Variants in AUP1 observed in about 807,000 individuals in gnomAD.
AUP1 encodes the protein lipid droplet-regulating VLDL assembly factor AUP1.
Under a neutral mutation model 51.8 loss-of-function variants are expected in AUP1, and 30 were observed. The observed-to-expected ratio is 0.58, with a 90% CI of 0.43 to 0.79. AUP1 has a LOEUF of 0.79. AUP1 is among the 30% of genes least tolerant of loss of function. AUP1 has a pLI of 0.00. For missense variants in AUP1, 492 were observed against 517.1 expected (o/e 0.95, Z 0.47); for synonymous variants, 227 against 209.0 (o/e 1.09, Z -0.74).
rs200787766 is a variant in AUP1, at chr2:74,527,376, G to C, written c.962-13C>G. 1.9e-6 allele frequency: 3 copies of C among 1,613,802 alleles called. No homozygotes were observed. Among genetic ancestry groups the C allele is most frequent in the East Asian group, 2.2e-5 (1 of 44,872 alleles). ...CAGCCAGTCTTGGCTGGGGAGAAAA[G>C]AGAAGGGAGTCCACTCCCTACTTAC... On this transcript the variant is annotated splice_polypyrimidine_tract_variant and intron_variant, in intron 9 of 11. Coordinates refer to ENST00000377526, the MANE Select transcript of AUP1 (RefSeq NM_181575.5).
In AUP1 at chr2:74,529,604, G is replaced by A. The variant is rs1572992667; in HGVS notation, c.26C>T (p.Pro9Leu). The A allele has an allele frequency of 3.2e-6, 5 of 1,568,326 alleles. No individual in the cohort carries two copies. The highest frequency in any genetic ancestry group is 3.5e-6 in the Non-Finnish European group (4 of 1,156,084). ...CCGGTGCGAGTCAAAGAGCCGCTCC[G>A]GCCCCGGCCCTGAGGGAAGCTCCAT... The part of the protein sequence containing the change: MELPSGPG[P>L]ERLFDSHRLP... The change falls in exon 1 of 12, where the codon CCG becomes CTG. Residue 9 changes from proline (P) to leucine (L), a missense_variant. Pro to Leu is a moderately conservative substitution (Grantham distance 98). Coordinates refer to ENST00000377526, the MANE Select transcript of AUP1 (RefSeq NM_181575.5).
intron 5 of AUP1, 40 bp from the exon 6 acceptor site, chr2:74,528,361 G>A: frequency 6.2e-7 from 1 of 1,612,254 alleles, no homozygotes; most frequent in Non-Finnish European, 8.5e-7. Context: ...GCCAGGGCCA[G>A]GGATGGGAAA....
chr2:74,529,123 C>T lies in AUP1; in HGVS notation c.339+9G>A. 1 of 1,614,230 alleles carries T rather than the reference C, an allele frequency of 6.2e-7. No homozygotes were observed. The highest frequency in any genetic ancestry group is 1.1e-5 in the South Asian group (1 of 91,076). On this transcript the variant is annotated intron_variant, in intron 3 of 11. Coordinates refer to ENST00000377526, the MANE Select transcript of AUP1 (RefSeq NM_181575.5). ...GCCCCGTGGCGCTCTCGGCCTCGCTCTCACTCACGGTGCTACAGGTGGTAA... is the reference window on the plus strand; with the variant it reads ...GCCCCGTGGCGCTCTCGGCCTCGCTTTCACTCACGGTGCTACAGGTGGTAA...
intron 4 of AUP1, 35 bp downstream of exon 4, chr2:74,528,716 A>T (rs753032954): frequency 6.4e-7 from 1 of 1,553,374 alleles, no homozygotes; most frequent in Non-Finnish European, 8.7e-7. Context: ...TTGACCACCT[A>T]CCCAGCTGGC....
rs1675327892 is a variant in AUP1, at chr2:74,528,735, C to T, written c.524+16G>A. 1 of 1,574,130 alleles carries T rather than the reference C, an allele frequency of 6.4e-7. No individual in the cohort carries two copies. Among genetic ancestry groups the T allele is most frequent in the Non-Finnish European group, 8.6e-7 (1 of 1,162,126 alleles). On this transcript the variant is annotated intron_variant, in intron 4 of 11. Coordinates refer to ENST00000377526, the MANE Select transcript of AUP1 (RefSeq NM_181575.5). ...CCACCTACCCAGCTGGCGCCCCATA[C>T]CTGTGCTAAACCCACCTGAAGCGCA...
intron 1 of AUP1, 25 bp downstream of exon 1, chr2:74,529,555 G>A (rs1445324576): frequency 6.4e-7 from 1 of 1,552,926 alleles, no homozygotes; most frequent in Non-Finnish European, 8.7e-7. Flanking sequence ...CGCGGGGATC[G>A]GTCTCTTCCC....
In AUP1 at chr2:74,529,609, C is replaced by G; in HGVS notation, c.21G>C (p.Pro7=). 1 of 1,568,672 alleles carries G rather than the reference C, an allele frequency of 6.4e-7. No individual in the cohort carries two copies. Among genetic ancestry groups the G allele is most frequent in the Non-Finnish European group, 8.6e-7 (1 of 1,156,738 alleles). ...GCGAGTCAAAGAGCCGCTCCGGCCC[C>G]GGCCCTGAGGGAAGCTCCATAACTG... MELPSG[P]GPERLFDSHR... Residue 7 remains proline (P), a synonymous_variant, in exon 1 of 12, where the codon CCG becomes CCC. Coordinates refer to ENST00000377526, the MANE Select transcript of AUP1 (RefSeq NM_181575.5).
Position 74,526,801 on chromosome 2 carries a change from C to T in AUP1, c.1232G>A (p.Ter411=). The T allele has an allele frequency of 1.3e-6, 2 of 1,538,900 alleles. No homozygotes were observed. Among genetic ancestry groups the T allele is most frequent in the Non-Finnish European group, 1.8e-6 (2 of 1,142,064 alleles). The change falls in exon 12 of 12, where the codon TGA becomes TAA. Residue 411 remains the stop codon, a stop_retained_variant. Coordinates refer to ENST00000377526, the MANE Select transcript of AUP1 (RefSeq NM_181575.5). ...FTERRAQEAD[*] ...GGGTGCCATCCTGTTCCTTTGAGCT[C>T]AGTCAGCCTCCTGGGCTCGTCTCTC... is the stretch of plus-strand genomic sequence containing the variant.
chr2:74,529,338 C>G (rs1173412638), intron 2 of AUP1, 24 bp downstream of exon 2: 1 of 1,613,388 alleles, frequency 6.2e-7, no homozygotes, highest in South Asian at 1.1e-5. Context: ...AGCTCTGACA[C>G]TCCCCGAACG....
chr2:74,527,581 G>A lies in AUP1; in HGVS notation c.851C>T (p.Ser284Phe). 1 of 1,607,064 alleles carries A rather than the reference G, an allele frequency of 6.2e-7. No homozygotes were observed. Among genetic ancestry groups the A allele is most frequent in the South Asian group, 1.1e-5 (1 of 89,784 alleles). The change falls in exon 9 of 12, where the codon TCT becomes TTT. Residue 284 changes from serine to phenylalanine, a missense_variant. Ser to Phe is a radical substitution (Grantham distance 155). Transcript: ENST00000377526. ...PRLRPQSAQS[S>F]FPPSPGPSPD... is the part of the protein sequence containing the mutation. Reference sequence around the variant, plus strand: ...AGAAGGACCAGGGGAGGGAGGGAAAGAAGACTGGGCTGTGGAAAAAGGAAA... The same window carrying A: ...AGAAGGACCAGGGGAGGGAGGGAAAAAAGACTGGGCTGTGGAAAAAGGAAA...
In AUP1 at chr2:74,527,416, AC is replaced by A. The variant is rs992646014; in HGVS notation, c.961+54del. ...TCCCTACTTACTTTCTTCCTTCACAACCCACTTTTCCTCCCTGTGCCCATCT... is the reference window on the plus strand; with the variant it reads ...TCCCTACTTACTTTCTTCCTTCACAACCACTTTTCCTCCCTGTGCCCATCT... On this transcript the variant is annotated intron_variant, in intron 9 of 11. Transcript: ENST00000377526. 3.5e-5 allele frequency: 56 copies of A among 1,611,142 alleles called. No individual in the cohort carries two copies. In the African/African-American group the frequency reaches 7.2e-4, roughly 21 times the overall value.
Position 74,529,254 on chromosome 2 carries a change from G to A in AUP1, c.217C>T (p.Leu73=), listed in dbSNP as rs1292026948. The A allele has an allele frequency of 6.2e-7, 1 of 1,614,256 alleles. No individual in the cohort carries two copies. The highest frequency in any genetic ancestry group is 1.1e-5 in the South Asian group (1 of 91,080). ...TCCTCCTGCCGGGCCACGAGCCCTAGCACCGCACACATGGTCCGCACTACG... is the reference window on the plus strand; with the variant it reads ...TCCTCCTGCCGGGCCACGAGCCCTAACACCGCACACATGGTCCGCACTACG... The part of the protein sequence containing the change: ...RFVVRTMCAV[L]GLVARQEDSG... Residue 73 remains leucine (L), a synonymous_variant, in exon 3 of 12, where the codon CTA becomes TTA. Transcript: ENST00000377526.
At position 74,526,693 on chromosome 2, in the gene AUP1, T is replaced by G. The variant is rs565371657; in HGVS notation, c.*107A>C. 13 of 1,317,516 alleles carry G rather than the reference T, an allele frequency of 9.9e-6. No individual in the cohort carries two copies. The highest frequency in any genetic ancestry group is 1.5e-5 in the African/African-American group (1 of 67,676). The allele number at this position is 1,317,516 out of a possible 1,614,324, so 81.6% of individuals were successfully genotyped here. A position where few individuals can be genotyped will look rare whatever the true frequency, so the allele number is the denominator to read the frequency against. On this transcript the variant is annotated 3_prime_UTR_variant, in exon 12 of 12. Coordinates refer to ENST00000377526, the MANE Select transcript of AUP1 (RefSeq NM_181575.5). ...AATTTAATGTGACATTGGGGGAGCC[T>G]CATCCTTCCCTTTTTACCACCCACC...
At position 74,528,863 on chromosome 2, in the gene AUP1, AC is replaced by A; in HGVS notation, c.411del (p.Glu137AspfsTer63). On this transcript the variant is annotated frameshift_variant, in exon 4 of 12. Transcript: ENST00000377526. LOFTEE classifies it high-confidence loss of function. ...RGFMEMNGRG[E>X]LVESLKRFCA... is the part of the protein sequence containing the mutation. ...CAGAATCTCTTGAGTGACTCCACCAACTCCCCCCGCCCATTCATCTCCATGA... is the reference window on the plus strand; with the variant it reads ...CAGAATCTCTTGAGTGACTCCACCAATCCCCCCGCCCATTCATCTCCATGA... 2 of 1,613,826 alleles carry A rather than the reference AC, an allele frequency of 1.2e-6. No homozygotes were observed. Among genetic ancestry groups the A allele is most frequent in the Non-Finnish European group, 1.7e-6 (2 of 1,179,960 alleles).
Position 74,529,699 on chromosome 2 carries a change from G to T in AUP1, c.-70C>A. Reference sequence around the variant, plus strand: ...TTCGCGCCCGGCCGCAGGGGCTCTTGGGAAGGCGGAGTCTTTGGGCATCCG... The same window carrying T: ...TTCGCGCCCGGCCGCAGGGGCTCTTTGGAAGGCGGAGTCTTTGGGCATCCG... On this transcript the variant is annotated 5_prime_UTR_variant, in exon 1 of 12. Coordinates refer to ENST00000377526, the MANE Select transcript of AUP1 (RefSeq NM_181575.5). 2.0e-6 allele frequency: 3 copies of T among 1,537,014 alleles called. No individual in the cohort carries two copies. The highest frequency in any genetic ancestry group is 2.4e-5 in the East Asian group (1 of 40,940).
At chr2:74,528,045 A>G (rs749775581) in intron 6 of AUP1, 39 bp from the exon 7 acceptor site, 2 of 1,611,040 alleles carry the variant, frequency 1.2e-6, no homozygotes, top group Non-Finnish European at 1.7e-6. Flanking sequence ...GTGGGCACCC[A>G]GGGTAGAGGC....
rs1432476768 is a variant in AUP1, at chr2:74,529,474, G to A, written c.76C>T (p.Leu26Phe). ...ACTGGCGCGTAGAGCAGCAGCACGA[G>A]CAGTAGGAAGCAGTCACCCGGAAGC... ...HRLPGDCFLL[L>F]VLLLYAPVGF... Residue 26 changes from leucine (L) to phenylalanine (F), a missense_variant, in exon 2 of 12, where the codon CTC becomes TTC. By Grantham distance (22) the Leu-to-Phe change is conservative (BLOSUM62 0). Transcript: ENST00000377526. 6.4e-7 allele frequency: 1 copy of A among 1,556,086 alleles called. No homozygotes were observed. Among genetic ancestry groups the A allele is most frequent in the Non-Finnish European group, 8.7e-7 (1 of 1,148,328 alleles).
chr2:74,529,067 A>AG lies in AUP1; in HGVS notation c.339+64dup, dbSNP rs773623129. 6.8e-6 allele frequency: 11 copies of AG among 1,611,154 alleles called. No individual in the cohort carries two copies. In the African/African-American group the frequency reaches 9.4e-5, roughly 14 times the overall value. On this transcript the variant is annotated intron_variant, in intron 3 of 11. Coordinates refer to ENST00000377526, the MANE Select transcript of AUP1 (RefSeq NM_181575.5). ...CTCCATGGGGAACGCGAGTGGGGAC[A>AG]GGGGGGCCTTCAGCTGGGCCCCAGG...
chr2:74,527,534 G>C lies in AUP1; in HGVS notation c.898C>G (p.Leu300Val), dbSNP rs896881510. Residue 300 changes from leucine (L) to valine (V), a missense_variant, in exon 9 of 12, where the codon CTG becomes GTG. Coordinates refer to ENST00000377526, the MANE Select transcript of AUP1 (RefSeq NM_181575.5). ...AAAACTTCCTTGACTCTCTGAGCCA[G>C]AGTTGCCAGTTGCACATCAGGAGAA... Reference protein sequence around the residue: ...GPSPDVQLATLAQRVKEVLPH... With the variant: ...GPSPDVQLATVAQRVKEVLPH... The C allele has an allele frequency of 1.2e-6, 2 of 1,613,886 alleles. No homozygotes were observed. Among genetic ancestry groups the C allele is most frequent in the Non-Finnish European group, 1.7e-6 (2 of 1,179,974 alleles).
Sources: allele counts gnomAD v4.1 joint callset, GRCh38; gene constraint gnomAD v4.1.1; transcripts MANE v1.5; gene names NCBI Gene and HGNC (gene_info 2026-07-23, HGNC 2026-07-21).